The following KCTD16 variants were observed in gnomAD, a reference collection of about 807,000 sequenced individuals.
KCTD16 encodes potassium channel tetramerization domain containing 16.
In KCTD16, 13 loss-of-function variants were observed where a neutral mutation model predicts 33.2. That is an observed-to-expected ratio of 0.39 (90% CI 0.25 to 0.62). The LOEUF is 0.62. Among genes scored for constraint, KCTD16 ranks in the 20% least tolerant of loss-of-function variants. The pLI, the probability that KCTD16 is intolerant of heterozygous loss-of-function variation, is 0.50. For synonymous variants in KCTD16, 197 were observed against 195.3 expected (o/e 1.01, Z -0.07); for missense variants, 441 against 525.1 (o/e 0.84, Z 1.57).
At chr5:144,410,913 C>A (rs1338612985) in intron 3 of KCTD16, among the ~76,000 whole-genome samples, 1 of 152,104 alleles carries the variant, frequency 6.6e-6, no homozygotes, top group Non-Finnish European at 1.5e-5. Context: ...TCCCTACCCT[C>A]TCAAATTCAT....
rs397885096 is a variant in KCTD16 at position 144,315,990 on chromosome 5, C to CT, written c.832+108458dup. On this transcript the variant is annotated intron_variant, in intron 3 of 3. Transcript: ENST00000512467. ...GTGGGGTAAATAAATTCTTCAAAGC[C>CT]TTTTTTTTTTTTTTAAAAGGTCAGC... Among the ~76,000 whole-genome samples the CT allele has an allele frequency of 7.9e-3, 1,117 of 141,304 alleles. 3 individuals are homozygous for CT. The highest frequency in any genetic ancestry group is 0.016 in the African/African-American group (604 of 38,834). The allele number at this position is 141,304 out of a possible 152,430, so 92.7% of individuals were successfully genotyped here.
At chr5:144,225,552 T>TTGTGTGTGTGTGTGTGTGTG (rs10550980) in intron 3 of KCTD16, among the ~76,000 whole-genome samples, 4 of 138,320 alleles carry the variant, frequency 2.9e-5, no homozygotes, top group African/African-American at 7.9e-5. Context: ...CAAAAATAAA[T>TTGTGTGTGTGTGTGTGTGTG]TGTGTGTGTG....
In KCTD16 at chr5:144,474,137, G is replaced by GAA. The variant is rs376426438; in HGVS notation, c.*32_*33dup. On this transcript the variant is annotated 3_prime_UTR_variant, in exon 4 of 4. Transcript: ENST00000512467. Reference sequence around the variant, plus strand: ...TAAGGGAGGGCTGGGGGCGGGAAAAGAAAAAAAAAAGTCATTTTGAAATTA... The same window carrying GAA: ...TAAGGGAGGGCTGGGGGCGGGAAAAGAAAAAAAAAAAAGTCATTTTGAAATTA... 9.0e-5 allele frequency: 123 copies of GAA among 1,360,470 alleles called. No individual in the cohort carries two copies. The highest frequency in any genetic ancestry group is 1.1e-4 in the Non-Finnish European group (113 of 1,011,708). 84.3% of individuals were successfully genotyped at this position (1,360,470 alleles called of 1,614,324 possible).
intron 3 of KCTD16, among the ~76,000 whole-genome samples, chr5:144,369,026 C>T (rs1047175043): frequency 6.6e-6 from 1 of 152,154 alleles, no homozygotes. Context: ...CCTCATCATC[C>T]TGGTGAGTCT....
At chr5:144,400,196 G>A (rs1752671114) in intron 3 of KCTD16, among the ~76,000 whole-genome samples, 1 of 152,212 alleles carries the variant, frequency 6.6e-6, no homozygotes, top group African/African-American at 2.4e-5. Context: ...GCTGGACAGA[G>A]GAAGTACCTT....
At position 144,484,539 on chromosome 5, in the gene KCTD16, T is replaced by A. The variant is rs768662306; in HGVS notation, c.*10425T>A. On this transcript the variant is annotated 3_prime_UTR_variant, in exon 4 of 4. Coordinates refer to ENST00000512467, the MANE Select transcript of KCTD16 (RefSeq NM_020768.4). ...ATAACATCAGCACCACCCCTTACAC[T>A]TTTAAAGTTAAAGACCCTGTTGATC... 1 of 151,968 alleles carries A rather than the reference T, an allele frequency of 6.6e-6. No homozygotes were observed. Among genetic ancestry groups the A allele is most frequent in the Non-Finnish European group, 1.5e-5 (1 of 67,934 alleles). The allele number at this position is 151,968 out of a possible 1,614,324, so 9.4% of individuals were successfully genotyped here.
chr5:144,337,241 T>C (rs933577699), intron 3 of KCTD16, among the ~76,000 whole-genome samples: 1 of 152,036 alleles, frequency 6.6e-6, no homozygotes, highest in African/African-American at 2.4e-5. Context: ...AGGATACACA[T>C]CGTAGAGTGG....
intron 2 of KCTD16, among the ~76,000 whole-genome samples, chr5:144,182,640 C>CCA (rs955059551): frequency 9.2e-5 from 14 of 151,994 alleles, no homozygotes; most frequent in African/African-American, 2.7e-4. Flanking sequence ...GGTGCTTTTA[C>CCA]CACACACACA....
chr5:144,322,703 A>G (rs1290146570), intron 3 of KCTD16, among the ~76,000 whole-genome samples: 1 of 151,672 alleles, frequency 6.6e-6, no homozygotes, highest in Non-Finnish European at 1.5e-5. Flanking sequence ...TCTCACAATA[A>G]CAACAAAAGG....
chr5:144,417,234 A>G (rs1158402090), intron 3 of KCTD16, among the ~76,000 whole-genome samples: 1 of 152,118 alleles, frequency 6.6e-6, no homozygotes, highest in Non-Finnish European at 1.5e-5. Context: ...CTCATCACCA[A>G]TGTGGAGAGT....
chr5:144,311,801 C>G (rs1286119872), intron 3 of KCTD16, among the ~76,000 whole-genome samples: 1 of 152,110 alleles, frequency 6.6e-6, no homozygotes, highest in Non-Finnish European at 1.5e-5. Context: ...GACTTTTAAA[C>G]ACTCTACCAT....
At chr5:144,412,613 CGGT>C (rs911287993) in intron 3 of KCTD16, among the ~76,000 whole-genome samples, 1 of 152,024 alleles carries the variant, frequency 6.6e-6, no homozygotes, top group Admixed American at 6.6e-5. Flanking sequence ...CAGCTGGATG[CGGT>C]GGCTCATGCC....
chr5:144,195,585 C>T (rs1375161511), intron 2 of KCTD16, among the ~76,000 whole-genome samples: 4 of 152,192 alleles, frequency 2.6e-5, no homozygotes, highest in African/African-American at 9.7e-5. Context: ...TCAAATGGCT[C>T]TTAGTCTTCA....
intron 3 of KCTD16, among the ~76,000 whole-genome samples, chr5:144,464,793 T>C (rs2126995219): frequency 6.6e-6 from 1 of 152,084 alleles, no homozygotes; most frequent in Non-Finnish European, 1.5e-5. Flanking sequence ...TTCTTCTTCT[T>C]CATAGCTGCG....
intron 3 of KCTD16, among the ~76,000 whole-genome samples, chr5:144,444,618 C>T (rs938000239): frequency 6.6e-6 from 1 of 151,874 alleles, no homozygotes; most frequent in African/African-American, 2.4e-5. Context: ...ATACAAAACC[C>T]TTAGCTTCTA....
At chr5:144,431,997 A>G (rs1561605759) in intron 3 of KCTD16, among the ~76,000 whole-genome samples, 1 of 152,160 alleles carries the variant, frequency 6.6e-6, no homozygotes, top group African/African-American at 2.4e-5. Flanking sequence ...CTCATTTTCT[A>G]ATGCAATGAA....
At chr5:144,183,411 A>T (rs186921732) in intron 2 of KCTD16, among the ~76,000 whole-genome samples, 4 of 152,216 alleles carry the variant, frequency 2.6e-5, no homozygotes, top group African/African-American at 9.6e-5. Context: ...AATGATGCAT[A>T]AAGGATGACT....
intron 3 of KCTD16, among the ~76,000 whole-genome samples, chr5:144,409,578 G>A (rs1198614021): frequency 6.6e-6 from 1 of 151,860 alleles, no homozygotes; most frequent in African/African-American, 2.4e-5. Context: ...GCAATTGCGG[G>A]CCAGACGCTG....
At chr5:144,346,190 C>T (rs57082714) in intron 3 of KCTD16, among the ~76,000 whole-genome samples, 13,247 of 152,052 alleles carry the variant, frequency 0.087, 1,430 homozygotes, top group African/African-American at 0.25. Context: ...ACTAGATCTC[C>T]TTCTTTTTAT....
Sources: allele counts gnomAD v4.1 joint callset (sites outside exome capture counted in the v4.1 genomes callset), GRCh38; gene constraint gnomAD v4.1.1; transcripts MANE v1.5; gene names NCBI Gene and HGNC (gene_info 2026-07-23, HGNC 2026-07-21).